Variants in ZNF83 observed in about 807,000 individuals in gnomAD.
ZNF83 encodes zinc finger protein 83.
For synonymous variants in ZNF83, 209 were observed against 213.0 expected (o/e 0.98, Z 0.17); for missense variants, 552 against 629.9 (o/e 0.88, Z 1.32).
At chr19:52,644,764 C>T (rs1292827688) in intron 3 of ZNF83, among the ~76,000 whole-genome samples, 1 of 152,060 alleles carries the variant, frequency 6.6e-6, no homozygotes, top group Non-Finnish European at 1.5e-5. Flanking sequence ...CCTGATATTG[C>T]AGCTTTTTGG....
At chr19:52,686,053 T>C (rs1008146984) in intron 1 of ZNF83, among the ~76,000 whole-genome samples, 2 of 152,010 alleles carry the variant, frequency 1.3e-5, no homozygotes, top group Non-Finnish European at 2.9e-5. Context: ...TTTTAACAAA[T>C]GACATAAGGA....
chr19:52,654,278 T>C, intron 3 of ZNF83: 5 of 1,553,680 alleles, frequency 3.2e-6, no homozygotes, highest in Non-Finnish European at 3.5e-6. Flanking sequence ...TCTTTCTTGA[T>C]TTCTGGGAAG....
At chr19:52,679,509 G>A (rs1182964560) in intron 1 of ZNF83, among the ~76,000 whole-genome samples, 4 of 152,200 alleles carry the variant, frequency 2.6e-5, no homozygotes, top group Non-Finnish European at 4.4e-5. Flanking sequence ...TACAAGGGAG[G>A]CTCAGGCAGG....
chr19:52,643,008 G>C, upstream of ZNF83, among the ~76,000 whole-genome samples: 1 of 151,956 alleles, frequency 6.6e-6, no homozygotes, highest in East Asian at 1.9e-4. Flanking sequence ...AATACAAAAA[G>C]TAGCCAGGCT....
intron 1 of ZNF83, chr19:52,636,273 C>T (rs1001916822): frequency 5.3e-5 from 8 of 152,166 alleles, no homozygotes; most frequent in African/African-American, 1.9e-4. Flanking sequence ...GATCATGCCA[C>T]TGCATTCCAG....
chr19:52,685,906 A>C (rs74348232), intron 1 of ZNF83, among the ~76,000 whole-genome samples: 1 of 18,666 alleles, frequency 5.4e-5, no homozygotes. Context: ...ACAAAAAAAA[A>C]AAAAAAAAAA....
intron 1 of ZNF83, among the ~76,000 whole-genome samples, chr19:52,689,189 A>G (rs2062100333): frequency 6.6e-6 from 1 of 152,172 alleles, no homozygotes; most frequent in Admixed American, 6.6e-5. Flanking sequence ...ACTTATAAAA[A>G]CCCTGCTCTG....
intron 1 of ZNF83, among the ~76,000 whole-genome samples, chr19:52,676,515 C>T (rs968590468): frequency 6.6e-6 from 1 of 150,762 alleles, no homozygotes; most frequent in Non-Finnish European, 1.5e-5. Flanking sequence ...GGGCAGCCCC[C>T]GCCCGGCCAG....
chr19:52,655,858 C>G (rs896457705), intron 2 of ZNF83, among the ~76,000 whole-genome samples: 2 of 152,130 alleles, frequency 1.3e-5, no homozygotes, highest in African/African-American at 4.8e-5. Context: ...ATTGTACTTT[C>G]CCATGATAGA....
intron 1 of ZNF83, among the ~76,000 whole-genome samples, chr19:52,670,175 C>T (rs556287471): frequency 5.3e-5 from 8 of 152,172 alleles, no homozygotes; most frequent in Non-Finnish European, 1.0e-4. Flanking sequence ...CAATCACCTG[C>T]TCCACCTTGA....
chr19:52,689,387 A>AG (rs1386986550), intron 1 of ZNF83, among the ~76,000 whole-genome samples: 3 of 146,486 alleles, frequency 2.0e-5, no homozygotes, highest in Non-Finnish European at 4.6e-5. Flanking sequence ...TCCCTGTTAT[A>AG]CCCTCATCCC....
intron 3 of ZNF83, chr19:52,653,222 T>G: frequency 1.3e-6 from 2 of 1,535,258 alleles, no homozygotes; most frequent in Non-Finnish European, 1.8e-6. Flanking sequence ...CCACACTCAT[T>G]ACACTTGTAA....
chr19:52,684,861 A>G (rs2061988117), intron 1 of ZNF83, among the ~76,000 whole-genome samples: 1 of 152,178 alleles, frequency 6.6e-6, no homozygotes, highest in Non-Finnish European at 1.5e-5. Context: ...GAGGCTGGAC[A>G]CTGGCAGGGG....
chr19:52,682,850 C>T (rs1049808282), intron 1 of ZNF83, among the ~76,000 whole-genome samples: 1 of 152,094 alleles, frequency 6.6e-6, no homozygotes, highest in African/African-American at 2.4e-5. Context: ...ACCTGGGCCA[C>T]AGAGCGACAC....
intron 2 of ZNF83, among the ~76,000 whole-genome samples, chr19:52,633,195 C>T (rs1390999705): frequency 1.3e-5 from 2 of 152,054 alleles, no homozygotes; most frequent in Non-Finnish European, 2.9e-5. Context: ...CCCTACTGGG[C>T]ACCTTGTGGC....
At chr19:52,633,285 C>T (rs542463569) in intron 2 of ZNF83, among the ~76,000 whole-genome samples, 2 of 152,162 alleles carry the variant, frequency 1.3e-5, no homozygotes, top group South Asian at 2.1e-4. Context: ...CACCCCATCT[C>T]CCTTCGCTGA....
rs372971321 is a variant in ZNF83 at position 52,648,681 on chromosome 19, G to T, written c.-74+6880C>A. 2.6e-4 allele frequency among the ~76,000 whole-genome samples: 39 copies of T among 152,244 alleles called. No individual in the cohort carries two copies. The South Asian group carries it at 4.8e-3, about 19-fold the overall frequency. On this transcript the variant is annotated intron_variant, in intron 3 of 5. Coordinates refer to the ZNF83 transcript ENST00000594682. Reference sequence around the variant, plus strand: ...CGCTGCTGTTAAAGTTGCAGGTGTTGTGCCTTAGATCCACCACAGTCAGCT... The same window carrying T: ...CGCTGCTGTTAAAGTTGCAGGTGTTTTGCCTTAGATCCACCACAGTCAGCT...
At chr19:52,642,141 C>G (rs890152314), upstream of ZNF83, among the ~76,000 whole-genome samples, 4 of 151,904 alleles carry the variant, frequency 2.6e-5, no homozygotes, top group African/African-American at 4.8e-5. Context: ...TACAGAGGGA[C>G]GGGTTCTGTC....
intron 1 of ZNF83, among the ~76,000 whole-genome samples, chr19:52,678,945 C>T (rs1317872101): frequency 1.3e-5 from 2 of 149,196 alleles, no homozygotes; most frequent in Non-Finnish European, 3.0e-5. Flanking sequence ...ACTGCCTCCA[C>T]CCTGGGTGAC....
Sources: gnomAD v4.1 joint callset for allele counts (sites outside exome capture counted in the v4.1 genomes callset) on GRCh38, gnomAD v4.1.1 for gene constraint, MANE v1.5 for transcripts, NCBI Gene and HGNC (gene_info 2026-07-23, HGNC 2026-07-21) for gene names.